CDH12: variants seen among roughly 807,000 people sequenced by gnomAD.
CDH12 encodes cadherin 12.
CDH12 carries 41 observed loss-of-function variants against 74.1 expected under a neutral mutation model. The observed-to-expected ratio is 0.55, with a 90% confidence interval of 0.43 to 0.72. The LOEUF is 0.72. CDH12 is among the 30% of genes least tolerant of loss of function. The pLI is 0.00. For synonymous variants in CDH12, 399 were observed against 355.0 expected, an observed-to-expected ratio of 1.12 and a Z score of -1.39; for missense variants, 945 against 977.2, an observed-to-expected ratio of 0.97 and a Z score of 0.44.
At chr5:22,694,748 T>C (rs527666381) in intron 1 of CDH12, among the ~76,000 whole-genome samples, 2 of 152,080 alleles carry the variant, frequency 1.3e-5, no homozygotes, top group Admixed American at 1.3e-4. Context: ...TCCTTTTAAA[T>C]TAATGTTTTA....
In CDH12 at chr5:21,975,496, T is replaced by C. The variant is rs572313534; in HGVS notation, c.232-111A>G. The C allele has an allele frequency of 1.5e-5, 10 of 660,156 alleles. No homozygotes were observed. The South Asian group carries it at 2.0e-4, about 13-fold the overall frequency. 40.9% of individuals were successfully genotyped at this position (660,156 alleles called of 1,614,324 possible). A position where few individuals can be genotyped will look rare whatever the true frequency, so the allele number is the denominator to read the frequency against. On this transcript the variant is annotated intron_variant, in intron 5 of 14. Coordinates refer to ENST00000382254, the MANE Select transcript of CDH12 (RefSeq NM_004061.5). ...GTCATAATTTGCAATACAATTCCTT[T>C]AATCAAAAATGTTAAATAAAAATCT...
intron 1 of CDH12, among the ~76,000 whole-genome samples, chr5:22,506,298 G>GT (rs1413025845): frequency 6.6e-6 from 1 of 151,934 alleles, no homozygotes; most frequent in East Asian, 1.9e-4. Flanking sequence ...CTCCCCATTT[G>GT]TTTGTTTCCT....
intron 1 of CDH12, among the ~76,000 whole-genome samples, chr5:22,628,542 G>C (rs1422979529): frequency 2.0e-5 from 3 of 152,090 alleles, no homozygotes; most frequent in Non-Finnish European, 2.9e-5. Flanking sequence ...TAAGTTCTTT[G>C]AAACTAATGA....
chr5:22,265,027 G>A (rs535133607), intron 3 of CDH12, among the ~76,000 whole-genome samples: 4 of 152,252 alleles, frequency 2.6e-5, no homozygotes, highest in African/African-American at 9.6e-5. Context: ...CTCTAAATAA[G>A]TTTTTGTTAG....
At chr5:21,787,949 A>G (rs889604315) in intron 10 of CDH12, among the ~76,000 whole-genome samples, 1 of 152,190 alleles carries the variant, frequency 6.6e-6, no homozygotes, top group Admixed American at 6.6e-5. Flanking sequence ...TTAATAAGAA[A>G]ATTGCCACTG....
intron 1 of CDH12, among the ~76,000 whole-genome samples, chr5:22,725,871 T>C (rs1194735046): frequency 6.6e-6 from 1 of 151,752 alleles, no homozygotes; most frequent in African/African-American, 2.4e-5. Flanking sequence ...TAAATATATG[T>C]TTTATAACTT....
chr5:21,780,421 T>C (rs967709176), intron 11 of CDH12, among the ~76,000 whole-genome samples: 2 of 152,146 alleles, frequency 1.3e-5, no homozygotes, highest in African/African-American at 4.8e-5. Context: ...CATAATTGCT[T>C]TGATAACCCA....
At position 21,998,765 on chromosome 5, in the gene CDH12, C is replaced by T. The variant is rs114060254; in HGVS notation, c.232-23380G>A. Reference sequence around the variant, plus strand: ...GTGTGTCATTTGAATGAGGGAACCACAGCTGGTCTCCTGAGAAGCTGTTCT... The same window carrying T: ...GTGTGTCATTTGAATGAGGGAACCATAGCTGGTCTCCTGAGAAGCTGTTCT... On this transcript the variant is annotated intron_variant, in intron 5 of 14. Coordinates refer to ENST00000382254, the MANE Select transcript of CDH12 (RefSeq NM_004061.5). Among the ~76,000 whole-genome samples the T allele has an allele frequency of 3.5e-3, 533 of 152,208 alleles. 4 individuals carry two copies. The highest frequency in any genetic ancestry group is 0.012 in the African/African-American group (498 of 41,548).
intron 5 of CDH12, among the ~76,000 whole-genome samples, chr5:22,016,781 G>C (rs1005479517): frequency 1.3e-5 from 2 of 152,074 alleles, no homozygotes; most frequent in African/African-American, 4.8e-5. Flanking sequence ...CTACTCTAGT[G>C]GTTTATTCTC....
intron 1 of CDH12, among the ~76,000 whole-genome samples, chr5:22,656,202 C>A (rs1199836762): frequency 6.6e-6 from 1 of 152,036 alleles, no homozygotes; most frequent in Non-Finnish European, 1.5e-5. Flanking sequence ...TTATAATAAT[C>A]AAATTGTTAC....
intron 8 of CDH12, among the ~76,000 whole-genome samples, chr5:21,828,482 C>T (rs1185748264): frequency 2.0e-5 from 3 of 152,106 alleles, no homozygotes; most frequent in African/African-American, 4.8e-5. Context: ...TTTGACTTCT[C>T]ACTGGTTTTC....
At chr5:22,218,252 C>T (rs1353972243) in intron 3 of CDH12, among the ~76,000 whole-genome samples, 1 of 151,336 alleles carries the variant, frequency 6.6e-6, no homozygotes, top group African/African-American at 2.4e-5. Flanking sequence ...AGTATTCACT[C>T]CAAAGAAAAA....
chr5:22,203,301 G>A (rs1292077507), intron 4 of CDH12, among the ~76,000 whole-genome samples: 1 of 151,934 alleles, frequency 6.6e-6, no homozygotes, highest in African/African-American at 2.4e-5. Context: ...TACTTCTATG[G>A]GATCATCTTT....
chr5:22,261,073 G>GTA (rs70959709), intron 3 of CDH12, among the ~76,000 whole-genome samples: 42,242 of 149,858 alleles, frequency 0.28, 6,845 homozygotes, highest in South Asian at 0.46. Flanking sequence ...GTGTGTGTGT[G>GTA]TATATACACA....
chr5:22,688,433 A>T (rs1396865629), intron 1 of CDH12, among the ~76,000 whole-genome samples: 1 of 152,252 alleles, frequency 6.6e-6, no homozygotes, highest in Non-Finnish European at 1.5e-5. Flanking sequence ...TTTAAAAAAT[A>T]GTAAATTATT....
intron 1 of CDH12, among the ~76,000 whole-genome samples, chr5:22,802,119 A>AT (rs397883677): frequency 0.019 from 2,353 of 123,522 alleles, 68 homozygotes; most frequent in African/African-American, 0.046. Flanking sequence ...TTAAATTCGT[A>AT]TTTTTTTTTT....
rs75910687 is a variant in CDH12 at position 21,920,097 on chromosome 5, G to A, written c.526+54994C>T. ...CCTATAATTATGGATAGAGATAAAA[G>A]ACATTCATTCATTCACCCATTCAGT... On this transcript the variant is annotated intron_variant, in intron 6 of 14. Coordinates refer to ENST00000382254, the MANE Select transcript of CDH12 (RefSeq NM_004061.5). Among the ~76,000 whole-genome samples, 1,254 of 152,160 alleles carry A rather than the reference G, an allele frequency of 8.2e-3. 20 individuals are homozygous for A. The highest frequency in any genetic ancestry group is 0.029 in the African/African-American group (1,205 of 41,522).
At chr5:22,584,163 G>C (rs1189014200) in intron 1 of CDH12, among the ~76,000 whole-genome samples, 10 of 151,766 alleles carry the variant, frequency 6.6e-5, no homozygotes, top group Admixed American at 2.0e-4. Context: ...GCAGTGGCAC[G>C]ATCTCTGCTC....
intron 3 of CDH12, among the ~76,000 whole-genome samples, chr5:22,296,478 A>G (rs2150416587): frequency 6.6e-6 from 1 of 152,280 alleles, no homozygotes; most frequent in Middle Eastern, 3.4e-3. Context: ...ATATTTATAA[A>G]TGCAATGATT....
Sources: allele counts gnomAD v4.1 joint callset (sites outside exome capture counted in the v4.1 genomes callset), GRCh38; gene constraint gnomAD v4.1.1; transcripts MANE v1.5; gene names NCBI Gene and HGNC (gene_info 2026-07-23, HGNC 2026-07-21).